DAD1: variants seen among roughly 807,000 people sequenced by gnomAD.
DAD1 encodes the protein dolichyl-diphosphooligosaccharide--protein glycosyltransferase subunit DAD1.
In DAD1, 4 loss-of-function variants were observed where a neutral mutation model predicts 9.0. The ratio of observed to expected loss-of-function variants is 0.44; its 90% CI spans 0.22 to 1.01. The LOEUF (loss-of-function observed/expected upper bound fraction) is 1.01. Among genes scored for constraint, DAD1 ranks in the 50% least tolerant of loss-of-function variants. The pLI is 0.24. For synonymous variants in DAD1, 60 were observed against 62.5 expected (o/e 0.96, Z 0.19); for missense variants, 119 against 137.3 (o/e 0.87, Z 0.67).
intron 1 of DAD1, among the ~76,000 whole-genome samples, chr14:22,578,139 GT>G (rs1267335823): frequency 3.9e-5 from 6 of 152,020 alleles, no homozygotes; most frequent in Non-Finnish European, 4.4e-5. Flanking sequence ...TGTGATCCCA[GT>G]TGCTTGGCAG....
chr14:22,565,575 G>A (rs5742868), intron 2 of DAD1, among the ~76,000 whole-genome samples: 1 of 152,164 alleles, frequency 6.6e-6, no homozygotes, highest in Non-Finnish European at 1.5e-5. Flanking sequence ...GGGAAGTAAG[G>A]ATTCAAGAAA....
intron 1 of DAD1, among the ~76,000 whole-genome samples, chr14:22,580,861 G>A (rs1282432224): frequency 1.3e-5 from 2 of 152,042 alleles, no homozygotes; most frequent in Admixed American, 1.3e-4. Flanking sequence ...ACCTCCAGAT[G>A]GAGAATTATC....
chr14:22,585,195 T>C (rs1053910160), intron 1 of DAD1, among the ~76,000 whole-genome samples: 4 of 152,256 alleles, frequency 2.6e-5, no homozygotes, highest in African/African-American at 9.6e-5. Flanking sequence ...GTTTTGAATT[T>C]GTAAACTAGG....
At chr14:22,574,581 A>G (rs2037064226) in intron 2 of DAD1, among the ~76,000 whole-genome samples, 1 of 152,162 alleles carries the variant, frequency 6.6e-6, no homozygotes, top group African/African-American at 2.4e-5. Context: ...CAATTTCCCC[A>G]TTTATTTCTA....
chr14:22,584,790 T>A (rs1282169306), intron 1 of DAD1, among the ~76,000 whole-genome samples: 2 of 152,218 alleles, frequency 1.3e-5, no homozygotes, highest in Non-Finnish European at 2.9e-5. Flanking sequence ...AAAGTTTTAA[T>A]TTTACTTTGG....
rs5742795 is a variant in DAD1, at chr14:22,575,332, T to C, written c.212-99A>G. 12 of 1,362,086 alleles carry C rather than the reference T, an allele frequency of 8.8e-6. No individual in the cohort carries two copies. In the African/African-American group the frequency reaches 1.6e-4, roughly 18 times the overall value. 84.4% of individuals were successfully genotyped at this position (1,362,086 alleles called of 1,614,324 possible). On this transcript the variant is annotated intron_variant, in intron 1 of 2. Transcript: ENST00000250498. Reference sequence around the variant, plus strand: ...ACCCGAGGACCCAACAATTCTACTCTAACAGAAATGAATGCATATATACAT... The same window carrying C: ...ACCCGAGGACCCAACAATTCTACTCCAACAGAAATGAATGCATATATACAT...
At position 22,579,549 on chromosome 14, in the gene DAD1, T is replaced by A. The variant is rs1355421528; in HGVS notation, c.212-4316A>T. 2.0e-5 allele frequency among the ~76,000 whole-genome samples: 3 copies of A among 152,242 alleles called. No individual in the cohort carries two copies. The East Asian group carries it at 5.8e-4, about 29-fold the overall frequency. On this transcript the variant is annotated intron_variant, in intron 1 of 2. Transcript: ENST00000250498. Reference sequence around the variant, plus strand: ...AAGGGTAACCAGTGTAAACCCCTGCTGTAGAAAGTACAGATTCATTCATCC... The same window carrying A: ...AAGGGTAACCAGTGTAAACCCCTGCAGTAGAAAGTACAGATTCATTCATCC...
At chr14:22,566,338 C>T (rs1266634314) in intron 2 of DAD1, among the ~76,000 whole-genome samples, 16 of 147,668 alleles carry the variant, frequency 1.1e-4, no homozygotes, top group Non-Finnish European at 2.1e-4. Flanking sequence ...AACATTACAG[C>T]TTTTTTTTTT....
At chr14:22,570,432 C>A (rs1242652580) in intron 2 of DAD1, among the ~76,000 whole-genome samples, 1 of 152,120 alleles carries the variant, frequency 6.6e-6, no homozygotes, top group Non-Finnish European at 1.5e-5. Context: ...TCTAAACCCT[C>A]CTGGACCTCT....
In DAD1 at chr14:22,585,944, C is replaced by T. The variant is rs576052182; in HGVS notation, c.211+3003G>A. Among the ~76,000 whole-genome samples the T allele has an allele frequency of 1.3e-4, 20 of 151,928 alleles. No homozygotes were observed. In the East Asian group the frequency reaches 2.9e-3, roughly 22 times the overall value. On this transcript the variant is annotated intron_variant, in intron 1 of 2. Transcript: ENST00000250498. ...CCTCAGTGCCGGGTGTGGTGGCTCACGCCTGTAATCCCAACACTTTAGGAG... is the reference window on the plus strand; with the variant it reads ...CCTCAGTGCCGGGTGTGGTGGCTCATGCCTGTAATCCCAACACTTTAGGAG...
intron 1 of DAD1, among the ~76,000 whole-genome samples, chr14:22,578,903 C>G (rs1490463980): frequency 2.0e-5 from 3 of 152,148 alleles, no homozygotes; most frequent in Non-Finnish European, 4.4e-5. Flanking sequence ...CTCTTATCTG[C>G]TGATTTAAAG....
rs17120156 is a variant in DAD1 at position 22,588,168 on chromosome 14, T to C, written c.211+779A>G. On this transcript the variant is annotated intron_variant, in intron 1 of 2. Transcript: ENST00000250498. Reference sequence around the variant, plus strand: ...CTGAAAATACAACTGATGACCTGACTGATGATCACACTGAAAAGAAACCAT... The same window carrying C: ...CTGAAAATACAACTGATGACCTGACCGATGATCACACTGAAAAGAAACCAT... Among the ~76,000 whole-genome samples, 702 of 152,316 alleles carry C rather than the reference T, an allele frequency of 4.6e-3. 3 individuals carry two copies. The highest frequency in any genetic ancestry group is 0.016 in the African/African-American group (680 of 41,572).
In DAD1 at chr14:22,566,932, G is replaced by T. The variant is rs114307754; in HGVS notation, c.*45-1795C>A. ...TACCAGACACTATTCTAAAAGCAGA[G>T]GTTCTAGGATTCTTTGAAATATTAG... On this transcript the variant is annotated intron_variant, in intron 2 of 2. Transcript: ENST00000250498. Among the ~76,000 whole-genome samples the T allele has an allele frequency of 4.1e-3, 625 of 152,224 alleles. 4 individuals carry two copies. Among genetic ancestry groups the T allele is most frequent in the African/African-American group, 0.015 (605 of 41,538 alleles).
rs183535757 is a variant in DAD1, at chr14:22,578,652, G to C, written c.212-3419C>G. On this transcript the variant is annotated intron_variant, in intron 1 of 2. Transcript: ENST00000250498. ...TAAAACCAATCTATGGCAAGATAGT[G>C]GTTTTTATCTTTCACAGGGAGAGGA... Among the ~76,000 whole-genome samples the C allele has an allele frequency of 7.4e-4, 113 of 152,298 alleles. No homozygotes were observed. The Middle Eastern group carries it at 0.01, about 14-fold the overall frequency.
At chr14:22,588,583 C>T (rs1344252831) in intron 1 of DAD1, among the ~76,000 whole-genome samples, 1 of 152,140 alleles carries the variant, frequency 6.6e-6, no homozygotes, top group Non-Finnish European at 1.5e-5. Flanking sequence ...GCCAAGATGA[C>T]AGAGATGATT....
chr14:22,565,507 T>C (rs2036996933), intron 2 of DAD1, among the ~76,000 whole-genome samples: 1 of 152,184 alleles, frequency 6.6e-6, no homozygotes, highest in African/African-American at 2.4e-5. Flanking sequence ...CCTAAAGAGC[T>C]TTCTGGAATC....
chr14:22,571,095 G>A (rs1356001933), intron 2 of DAD1, among the ~76,000 whole-genome samples: 2 of 151,264 alleles, frequency 1.3e-5, no homozygotes, highest in Admixed American at 6.6e-5. Flanking sequence ...AGGCCAAGGC[G>A]AGTGGATCAC....
At chr14:22,582,422 GC>G (rs1183295069) in intron 1 of DAD1, among the ~76,000 whole-genome samples, 1 of 151,316 alleles carries the variant, frequency 6.6e-6, no homozygotes, top group Non-Finnish European at 1.5e-5. Flanking sequence ...TACTCGGGAG[GC>G]TGAGGCAGGA....
chr14:22,583,840 T>C (rs1334631017), intron 1 of DAD1, among the ~76,000 whole-genome samples: 2 of 152,108 alleles, frequency 1.3e-5, no homozygotes, highest in Admixed American at 1.3e-4. Context: ...TGATCTGTTA[T>C]GATTCAGTGG....
Sources: allele counts gnomAD v4.1 joint callset (sites outside exome capture counted in the v4.1 genomes callset), GRCh38; gene constraint gnomAD v4.1.1; transcripts MANE v1.5; gene names NCBI Gene and HGNC (gene_info 2026-07-23, HGNC 2026-07-21).